Variants in NUBPL observed in about 807,000 individuals in gnomAD.
NUBPL encodes iron-sulfur cluster transfer protein NUBPL.
A neutral mutation model predicts 45.7 loss-of-function variants in NUBPL; 31 were observed. The ratio of observed to expected loss-of-function variants is 0.68; its 90% CI spans 0.51 to 0.92. NUBPL has a LOEUF of 0.92. Among genes scored for constraint, NUBPL ranks in the 40% least tolerant of loss-of-function variants. NUBPL has a pLI of 0.00. For synonymous variants in NUBPL, 144 were observed against 140.9 expected, an observed-to-expected ratio of 1.02 and a Z score of -0.15; for missense variants, 401 against 398.7, an observed-to-expected ratio of 1.01 and a Z score of -0.05.
At chr14:31,756,323 T>G (rs1202060518) in intron 6 of NUBPL, among the ~76,000 whole-genome samples, 2 of 152,188 alleles carry the variant, frequency 1.3e-5, no homozygotes, top group Non-Finnish European at 2.9e-5. Context: ...TGATTCTTCC[T>G]ACCCATGAGC....
chr14:31,752,009 GAGCTGGGAC>G (rs1411792073), intron 6 of NUBPL, among the ~76,000 whole-genome samples: 1 of 152,210 alleles, frequency 6.6e-6, no homozygotes, highest in Non-Finnish European at 1.5e-5. Context: ...GAGCCTGGAG[GAGCTGGGAC>G]ACAGGGTGCC....
intron 3 of NUBPL, among the ~76,000 whole-genome samples, chr14:31,580,396 G>A (rs984110545): frequency 2.0e-5 from 3 of 152,216 alleles, no homozygotes; most frequent in Admixed American, 6.5e-5. Flanking sequence ...GCTGAACTGG[G>A]AGAATTACTT....
Position 31,666,263 on chromosome 14 carries a change from A to ATATATATATTTATTTATTATTT in NUBPL, c.383-7092_383-7091insTATATATATTTATTTATTATTT. Among the ~76,000 whole-genome samples, 52 of 111,846 alleles carry ATATATATATTTATTTATTATTT rather than the reference A, an allele frequency of 4.6e-4. 1 individual carries two copies. The highest frequency in any genetic ancestry group is 1.4e-3 in the African/African-American group (44 of 32,590). The allele number at this position is 111,846 out of a possible 152,430, so 73.4% of individuals were successfully genotyped here. A position where few individuals can be genotyped will look rare whatever the true frequency, so the allele number is the denominator to read the frequency against. On this transcript the variant is annotated intron_variant, in intron 4 of 10. Transcript: ENST00000281081. ...TATATATATATATATATATATATATAATTTTATTTTATTTTTTTTGAGACG... is the reference window on the plus strand; with the variant it reads ...TATATATATATATATATATATATATATATATATATTTATTTATTATTTATTTTATTTTATTTTTTTTGAGACG...
intron 8 of NUBPL, among the ~76,000 whole-genome samples, chr14:31,833,922 G>A (rs983268856): frequency 3.3e-5 from 5 of 152,114 alleles, no homozygotes; most frequent in South Asian, 2.1e-4. Context: ...TGTGTGCCAA[G>A]GAAGATGAGA....
intron 6 of NUBPL, among the ~76,000 whole-genome samples, chr14:31,689,983 G>A (rs1166504620): frequency 2.0e-5 from 3 of 151,354 alleles, no homozygotes; most frequent in Non-Finnish European, 4.4e-5. Flanking sequence ...TAGGTGTGTG[G>A]CCTTATTTCT....
chr14:31,678,585 C>T (rs528382395), intron 6 of NUBPL, among the ~76,000 whole-genome samples: 2 of 152,270 alleles, frequency 1.3e-5, no homozygotes, highest in African/African-American at 2.4e-5. Flanking sequence ...CTAGGAATGT[C>T]GTCCATGAGC....
chr14:31,798,042 T>G (rs9743875), intron 7 of NUBPL, among the ~76,000 whole-genome samples: 75,891 of 148,180 alleles, frequency 0.51, 20,528 homozygotes, highest in African/African-American at 0.7. Context: ...TTCTTTTCTT[T>G]AAGAATGTTG....
chr14:31,754,131 C>A lies in NUBPL; in HGVS notation c.514-33649C>A, dbSNP rs899927601. Among the ~76,000 whole-genome samples, 16 of 152,158 alleles carry A rather than the reference C, an allele frequency of 1.1e-4. No homozygotes were observed. The East Asian group carries it at 2.1e-3, about 20-fold the overall frequency. On this transcript the variant is annotated intron_variant, in intron 6 of 10. Transcript: ENST00000281081. Reference sequence around the variant, plus strand: ...ACGTCTAGTCCACCATCTTGATGACCCCTATTCTCTTACCTAAATAGTTGG... The same window carrying A: ...ACGTCTAGTCCACCATCTTGATGACACCTATTCTCTTACCTAAATAGTTGG...
At chr14:31,662,491 C>T (rs1177251934) in intron 4 of NUBPL, among the ~76,000 whole-genome samples, 1 of 152,040 alleles carries the variant, frequency 6.6e-6, no homozygotes, top group Non-Finnish European at 1.5e-5. Context: ...CACCGACAGG[C>T]CCTGGTATGT....
chr14:31,598,430 A>T (rs149103342), intron 3 of NUBPL, among the ~76,000 whole-genome samples: 47 of 152,338 alleles, frequency 3.1e-4, no homozygotes, highest in African/African-American at 1.1e-3. Context: ...ACTCTAAGAC[A>T]TATCGTGTTA....
intron 6 of NUBPL, among the ~76,000 whole-genome samples, chr14:31,677,729 C>T (rs937197692): frequency 1.3e-5 from 2 of 152,246 alleles, no homozygotes; most frequent in African/African-American, 4.8e-5. Context: ...CCTGTGTCCT[C>T]TACCACTGTG....
At chr14:31,608,092 T>C (rs928933754) in intron 4 of NUBPL, among the ~76,000 whole-genome samples, 3 of 152,158 alleles carry the variant, frequency 2.0e-5, no homozygotes, top group East Asian at 3.8e-4. Flanking sequence ...GCATGACATA[T>C]TTAAAATGCT....
At chr14:31,818,637 C>T (rs1371626175) in intron 7 of NUBPL, among the ~76,000 whole-genome samples, 1 of 152,182 alleles carries the variant, frequency 6.6e-6, no homozygotes, top group Non-Finnish European at 1.5e-5. Context: ...CAAGCTCCGC[C>T]TGCTGGGTTC....
intron 6 of NUBPL, among the ~76,000 whole-genome samples, chr14:31,738,180 C>T: frequency 6.6e-6 from 1 of 152,158 alleles, no homozygotes; most frequent in Non-Finnish European, 1.5e-5. Context: ...TACATTACTT[C>T]AACTTGTTTT....
Position 31,683,123 on chromosome 14 carries a change from A to G in NUBPL, c.513+9549A>G, listed in dbSNP as rs1307035903. On this transcript the variant is annotated intron_variant, in intron 6 of 10. Coordinates refer to ENST00000281081, the MANE Select transcript of NUBPL (RefSeq NM_025152.3). The stretch of plus-strand genomic sequence containing the variant: ...AGCTGTTTATGAGGGATCCTCTTCC[A>G]TGACCCAAGAACCTCCCACTAGATT... 8.0e-5 allele frequency among the ~76,000 whole-genome samples: 12 copies of G among 149,680 alleles called. No individual in the cohort carries two copies. The South Asian group carries it at 2.3e-3, about 29-fold the overall frequency.
chr14:31,586,153 A>G (rs1419745098), intron 3 of NUBPL, among the ~76,000 whole-genome samples: 1 of 152,198 alleles, frequency 6.6e-6, no homozygotes, highest in Admixed American at 6.5e-5. Flanking sequence ...AATTCAGTTG[A>G]ACCAATCCAA....
intron 6 of NUBPL, among the ~76,000 whole-genome samples, chr14:31,778,712 G>A (rs142284088): frequency 7.7e-4 from 117 of 152,260 alleles, no homozygotes; most frequent in Admixed American, 1.3e-3. Context: ...TAATTAGTAC[G>A]TGCTGGTTTC....
chr14:31,795,256 C>G (rs1595638114), intron 7 of NUBPL, among the ~76,000 whole-genome samples: 1 of 149,938 alleles, frequency 6.7e-6, no homozygotes, highest in South Asian at 2.1e-4. Context: ...TAGTTTTTTC[C>G]AATTCTGTGA....
intron 4 of NUBPL, among the ~76,000 whole-genome samples, chr14:31,621,141 G>A (rs940351290): frequency 9.2e-5 from 14 of 152,148 alleles, no homozygotes; most frequent in African/African-American, 3.4e-4. Flanking sequence ...CCCTACGAAG[G>A]TCGAGCGTCC....
Sources: allele counts gnomAD v4.1 joint callset (sites outside exome capture counted in the v4.1 genomes callset), GRCh38; gene constraint gnomAD v4.1.1; transcripts MANE v1.5; gene names NCBI Gene and HGNC (gene_info 2026-07-23, HGNC 2026-07-21).